Variants in AKAP6 observed in about 807,000 individuals in gnomAD.
AKAP6 encodes A-kinase anchor protein 6.
In AKAP6, 58 loss-of-function variants were observed where a neutral mutation model predicts 188.5. The observed-to-expected ratio is 0.31, with a 90% confidence interval of 0.25 to 0.38. The LOEUF (loss-of-function observed/expected upper bound fraction) is 0.38. AKAP6 is among the 10% of genes least tolerant of loss of function. AKAP6 has a pLI of 1.00. For synonymous variants in AKAP6, 989 were observed against 998.6 expected, an observed-to-expected ratio of 0.99 and a Z score of 0.18; for missense variants, 2,710 against 2,740.0, an observed-to-expected ratio of 0.99 and a Z score of 0.24.
intron 1 of AKAP6, among the ~76,000 whole-genome samples, chr14:32,424,478 T>A (rs1217046737): frequency 1.3e-5 from 2 of 151,744 alleles, no homozygotes; most frequent in Admixed American, 1.3e-4. Context: ...TTTTTCTCTT[T>A]AAAAAAAAAT....
chr14:32,460,394 C>T (rs562618876), intron 2 of AKAP6, among the ~76,000 whole-genome samples: 23 of 152,302 alleles, frequency 1.5e-4, no homozygotes, highest in African/African-American at 5.5e-4. Context: ...CATTTGATCT[C>T]ACTGGGGCTG....
chr14:32,823,609 T>A lies in AKAP6; in HGVS notation c.5796T>A (p.His1932Gln), dbSNP rs1566738905. 6.2e-7 allele frequency: 1 copy of A among 1,613,824 alleles called. No homozygotes were observed. The highest frequency in any genetic ancestry group is 2.2e-5 in the East Asian group (1 of 44,868). The stretch of plus-strand genomic sequence containing the variant: ...GGAAAGAGATTTCAGAGAGTGAGCA[T>A]TGTAAGTGTAAAGCACTTATGGATA... ...SHGKEISESE[H>Q]CKCKALMDSL... Residue 1932 changes from histidine (H) to glutamine (Q), a missense_variant, in exon 13 of 14, where the codon CAT (histidine) becomes CAA (glutamine). Transcript: ENST00000280979.
chr14:32,804,274 A>G (rs1295664968), intron 12 of AKAP6, among the ~76,000 whole-genome samples: 1 of 152,132 alleles, frequency 6.6e-6, no homozygotes, highest in Non-Finnish European at 1.5e-5. Flanking sequence ...TCTTTCAAAA[A>G]CACTATCTGA....
At chr14:32,736,075 C>T (rs1288977892) in intron 11 of AKAP6, among the ~76,000 whole-genome samples, 193 bp downstream of exon 11, 1 of 152,094 alleles carries the variant, frequency 6.6e-6, no homozygotes, top group Non-Finnish European at 1.5e-5. Context: ...AAGCATATCA[C>T]ATATACATTG....
chr14:32,439,426 T>G (rs1890495046), intron 2 of AKAP6, among the ~76,000 whole-genome samples: 1 of 152,134 alleles, frequency 6.6e-6, no homozygotes, highest in Non-Finnish European at 1.5e-5. Flanking sequence ...GTACAGTATG[T>G]TCCCAGGCCT....
At chr14:32,680,739 T>A (rs1484197039) in intron 8 of AKAP6, among the ~76,000 whole-genome samples, 1 of 152,244 alleles carries the variant, frequency 6.6e-6, no homozygotes, top group Non-Finnish European at 1.5e-5. Flanking sequence ...GAGAATTTTA[T>A]GTAACCAAAA....
At chr14:32,819,320 G>A (rs1342693157) in intron 12 of AKAP6, among the ~76,000 whole-genome samples, 1 of 152,134 alleles carries the variant, frequency 6.6e-6, no homozygotes. Context: ...TAATGTGTTT[G>A]TGTGGTACCC....
chr14:32,537,313 A>G (rs1428847111), intron 3 of AKAP6, among the ~76,000 whole-genome samples: 1 of 152,192 alleles, frequency 6.6e-6, no homozygotes, highest in Admixed American at 6.5e-5. Flanking sequence ...CACGGGATGA[A>G]TATGTGAGTT....
chr14:32,537,145 G>A (rs1361859274), intron 3 of AKAP6, among the ~76,000 whole-genome samples: 1 of 152,064 alleles, frequency 6.6e-6, no homozygotes, highest in Non-Finnish European at 1.5e-5. Flanking sequence ...GTTGATTTTT[G>A]TTTATTCAAA....
chr14:32,603,742 T>C (rs1259170878), intron 7 of AKAP6, among the ~76,000 whole-genome samples: 1 of 152,174 alleles, frequency 6.6e-6, no homozygotes, highest in Non-Finnish European at 1.5e-5. Context: ...TAAGAATGGT[T>C]TGATTAAATT....
chr14:32,448,880 CA>C (rs1890841952), intron 2 of AKAP6, among the ~76,000 whole-genome samples: 1 of 152,094 alleles, frequency 6.6e-6, no homozygotes, highest in Non-Finnish European at 1.5e-5. Flanking sequence ...CTTGATTCTA[CA>C]AGGGAGATAT....
intron 2 of AKAP6, among the ~76,000 whole-genome samples, chr14:32,436,798 TG>T (rs1890394606): frequency 6.6e-6 from 1 of 152,096 alleles, no homozygotes; most frequent in Non-Finnish European, 1.5e-5. Flanking sequence ...TTAGTAGGCA[TG>T]GTGGTGTGCA....
At chr14:32,552,380 A>G (rs1883516468) in intron 4 of AKAP6, among the ~76,000 whole-genome samples, 1 of 152,226 alleles carries the variant, frequency 6.6e-6, no homozygotes, top group African/African-American at 2.4e-5. Flanking sequence ...CAGTTATGAG[A>G]CAGGAACAAG....
chr14:32,425,272 G>A (rs531137558), intron 1 of AKAP6, among the ~76,000 whole-genome samples: 5 of 152,020 alleles, frequency 3.3e-5, no homozygotes, highest in African/African-American at 4.8e-5. Context: ...TCATATGATT[G>A]TTGGCCACAT....
chr14:32,476,820 C>T (rs910186533), intron 2 of AKAP6, among the ~76,000 whole-genome samples: 1 of 152,204 alleles, frequency 6.6e-6, no homozygotes, highest in African/African-American at 2.4e-5. Context: ...ACTTAAGACC[C>T]AGCCTCCACA....
chr14:32,559,244 G>A (rs1454558019), intron 4 of AKAP6, among the ~76,000 whole-genome samples: 1 of 152,188 alleles, frequency 6.6e-6, no homozygotes. Flanking sequence ...CATAAAGCCA[G>A]CTGTAAATGG....
At chr14:32,815,786 G>A (rs1037626659) in intron 12 of AKAP6, among the ~76,000 whole-genome samples, 1 of 152,220 alleles carries the variant, frequency 6.6e-6, no homozygotes, top group Admixed American at 6.5e-5. Flanking sequence ...CTGTGTACCG[G>A]GCTCTCCCCT....
chr14:32,523,229 A>G (rs368260109), intron 2 of AKAP6, among the ~76,000 whole-genome samples: 19 of 152,300 alleles, frequency 1.2e-4, no homozygotes, highest in African/African-American at 4.6e-4. Context: ...CCTAATGTAA[A>G]TGATGAGTTA....
intron 2 of AKAP6, among the ~76,000 whole-genome samples, chr14:32,479,163 T>G (rs1594657567): frequency 6.6e-6 from 1 of 152,318 alleles, no homozygotes; most frequent in East Asian, 1.9e-4. Context: ...ATTGTTTTCC[T>G]TGATTACATG....
Sources: allele counts gnomAD v4.1 joint callset (sites outside exome capture counted in the v4.1 genomes callset), GRCh38; gene constraint gnomAD v4.1.1; transcripts MANE v1.5; gene names NCBI Gene and HGNC (gene_info 2026-07-23, HGNC 2026-07-21).